Variants in DAB2IP observed in about 807,000 individuals in gnomAD.
DAB2IP encodes the protein disabled homolog 2-interacting protein.
A neutral mutation model predicts 107.2 loss-of-function variants in DAB2IP; 28 were observed. The observed-to-expected ratio is 0.26, with a 90% CI of 0.19 to 0.36. DAB2IP has a LOEUF of 0.36. DAB2IP is among the 10% of genes least tolerant of loss of function. The pLI is 1.00. For synonymous variants in DAB2IP, 755 were observed against 706.4 expected (o/e 1.07, Z -1.09); for missense variants, 1,400 against 1,644.7 (o/e 0.85, Z 2.57).
intron 3 of DAB2IP, among the ~76,000 whole-genome samples, chr9:121,720,885 C>A (rs1027861372): frequency 6.6e-6 from 1 of 152,152 alleles, no homozygotes. Context: ...CAAAGAGAAC[C>A]CTTCCTGCCA....
In DAB2IP at chr9:121,720,719, C is replaced by T. The variant is rs538243433; in HGVS notation, c.362+21261C>T. Among the ~76,000 whole-genome samples the T allele has an allele frequency of 1.2e-3, 177 of 152,226 alleles. 1 individual carries two copies. The highest frequency in any genetic ancestry group is 3.9e-3 in the African/African-American group (161 of 41,540). The stretch of plus-strand genomic sequence containing the variant: ...AGGGAAGCCAGGCCAACAGAGAATC[C>T]GTATCCCAGGAAGCAGGGCTCCTGG... On this transcript the variant is annotated intron_variant, in intron 3 of 15. Transcript: ENST00000408936.
chr9:121,628,115 C>CCTTG (rs1229417573), intron 1 of DAB2IP, among the ~76,000 whole-genome samples: 2 of 152,238 alleles, frequency 1.3e-5, no homozygotes, highest in African/African-American at 4.8e-5. Flanking sequence ...CTTGCCTTGG[C>CCTTG]CTTGGGCTTG....
At chr9:121,572,251 G>T (rs553490269) in intron 1 of DAB2IP, among the ~76,000 whole-genome samples, 1 of 152,152 alleles carries the variant, frequency 6.6e-6, no homozygotes, top group Non-Finnish European at 1.5e-5. Context: ...CCGCCTGGGT[G>T]TGTTTTCATT....
intron 2 of DAB2IP, among the ~76,000 whole-genome samples, chr9:121,691,957 G>A (rs549869601): frequency 6.6e-6 from 1 of 152,318 alleles, no homozygotes; most frequent in Non-Finnish European, 1.5e-5. Context: ...CTGTAAAAAC[G>A]AGCTTTGAGT....
rs1588028363 is a variant in DAB2IP, at chr9:121,783,329, C to T, written c.*831C>T. On this transcript the variant is annotated 3_prime_UTR_variant, in exon 16 of 16. Transcript: ENST00000408936. ...GGCTCCCAGAAGCCAGAGATCTGGG[C>T]GGATCTGGCCAGATGGCTCTGAGCA... 1.4e-5 allele frequency: 20 copies of T among 1,429,094 alleles called. No homozygotes were observed. The East Asian group carries it at 1.8e-4, about 13-fold the overall frequency. 88.5% of individuals were successfully genotyped at this position (1,429,094 alleles called of 1,614,324 possible). A position where few individuals can be genotyped will look rare whatever the true frequency, so the allele number is the denominator to read the frequency against.
intron 1 of DAB2IP, among the ~76,000 whole-genome samples, chr9:121,678,015 T>A (rs768356138): frequency 6.5e-4 from 99 of 152,296 alleles, no homozygotes; most frequent in Non-Finnish European, 1.2e-3. Flanking sequence ...ATAAAAGTTA[T>A]CATTTTAACT....
chr9:121,669,870 C>T (rs780351045), intron 1 of DAB2IP, among the ~76,000 whole-genome samples: 6 of 152,278 alleles, frequency 3.9e-5, no homozygotes, highest in South Asian at 4.1e-4. Context: ...GTGGTATAGC[C>T]GTGAATGCCA....
At position 121,607,991 on chromosome 9, in the gene DAB2IP, A is replaced by G. The variant is rs1188336664; in HGVS notation, c.40+40763A>G. 3.3e-5 allele frequency among the ~76,000 whole-genome samples: 5 copies of G among 152,226 alleles called. No individual in the cohort carries two copies. In the East Asian group the frequency reaches 9.6e-4, roughly 29 times the overall value. On this transcript the variant is annotated intron_variant, in intron 1 of 16. Transcript: ENST00000259371. ...CCTCAGAGCCTTTCCCGGCAGAGGG[A>G]ACGCAATCAAAGCTGGCGCTGCTTC... is the stretch of plus-strand genomic sequence containing the variant.
chr9:121,672,283 T>C (rs1265605330), intron 1 of DAB2IP, among the ~76,000 whole-genome samples: 1 of 152,204 alleles, frequency 6.6e-6, no homozygotes, highest in Non-Finnish European at 1.5e-5. Flanking sequence ...ACTTCTTTTC[T>C]CCTGACGTTA....
Position 121,782,531 on chromosome 9 carries a change from G to GA in DAB2IP, c.*34dup. 6.2e-7 allele frequency: 1 copy of GA among 1,609,378 alleles called. No individual in the cohort carries two copies. Among genetic ancestry groups the GA allele is most frequent in the Non-Finnish European group, 8.5e-7 (1 of 1,176,872 alleles). ...GAGGAGGGAGGAAGCTACCCAAGGA[G>GA]AGGGGGACTATGGTGGCCAAGGGCA... On this transcript the variant is annotated 3_prime_UTR_variant, in exon 16 of 16. Transcript: ENST00000408936. The surrounding 1 kb of genome is among the most constrained non-coding windows in gnomAD (Gnocchi z 6.1).
rs34839326 is a variant in DAB2IP at position 121,760,121 on chromosome 9, G to A, written c.852G>A (p.Lys284=). ...ACCGGGAGACCGACAAGAAGAAGAA[G>A]AAGGAGCGCAACAGTTACCTGGGCC... Residue 284 remains lysine (K), a synonymous_variant, in exon 6 of 16, where the codon AAG becomes AAA. Transcript: ENST00000408936. This position sits in a 1 kb window ranked among gnomAD's most constrained non-coding sequence, Gnocchi z 5.9. The A allele has an allele frequency of 2.7e-3, 4,381 of 1,613,972 alleles. 8 individuals carry two copies. The highest frequency in any genetic ancestry group is 9.6e-3 in the Middle Eastern group (58 of 6,062).
At chr9:121,605,227 C>G (rs766937939) in intron 1 of DAB2IP, among the ~76,000 whole-genome samples, 3 of 152,048 alleles carry the variant, frequency 2.0e-5, no homozygotes, top group Non-Finnish European at 2.9e-5. Flanking sequence ...CCCCATGTTT[C>G]CCAAGCTGGT....
chr9:121,685,077 C>T (rs1029861604), intron 2 of DAB2IP, among the ~76,000 whole-genome samples: 3 of 152,224 alleles, frequency 2.0e-5, no homozygotes, highest in African/African-American at 7.2e-5. Flanking sequence ...GTCTCCTGAC[C>T]CAGCATCCGG....
rs549146152 is a variant in DAB2IP, at chr9:121,698,319, C to T, written c.229-1006C>T. Among the ~76,000 whole-genome samples the T allele has an allele frequency of 6.6e-6, 1 of 152,250 alleles. No homozygotes were observed. The highest frequency in any genetic ancestry group is 2.1e-4 in the South Asian group (1 of 4,824). On this transcript the variant is annotated intron_variant, in intron 2 of 15. Transcript: ENST00000408936. The surrounding 1 kb of genome is among the most constrained non-coding windows in gnomAD (Gnocchi z 4.1). ...AGCCCGGCAGGACACAGGCTGTGTCCCCTGGGGCCCCCACATCTATCCCGT... is the reference window on the plus strand; with the variant it reads ...AGCCCGGCAGGACACAGGCTGTGTCTCCTGGGGCCCCCACATCTATCCCGT...
chr9:121,758,329 TG>T (rs1365870823), intron 4 of DAB2IP, among the ~76,000 whole-genome samples: 1 of 152,182 alleles, frequency 6.6e-6, no homozygotes, highest in African/African-American at 2.4e-5. Context: ...CCCTAGGGCC[TG>T]GCACATCCAG....
intron 3 of DAB2IP, among the ~76,000 whole-genome samples, chr9:121,708,300 C>T (rs1830158954): frequency 6.6e-6 from 1 of 152,208 alleles, no homozygotes. Context: ...AGTAACCAGG[C>T]AAGTCCATTC....
At position 121,736,668 on chromosome 9, in the gene DAB2IP, A is replaced by G. The variant is rs889054722; in HGVS notation, c.363-20345A>G. Among the ~76,000 whole-genome samples, 1 of 152,018 alleles carries G rather than the reference A, an allele frequency of 6.6e-6. No individual in the cohort carries two copies. The highest frequency in any genetic ancestry group is 2.4e-5 in the African/African-American group (1 of 41,434). On this transcript the variant is annotated intron_variant, in intron 3 of 15. Transcript: ENST00000408936. The surrounding 1 kb of genome is among the most constrained non-coding windows in gnomAD (Gnocchi z 4.6). Reference sequence around the variant, plus strand: ...ATGCTCTGGGAGCAGCGCTCGGGGGAGGTTACCTTGGCGCGCCCCCAAATC... The same window carrying G: ...ATGCTCTGGGAGCAGCGCTCGGGGGGGGTTACCTTGGCGCGCCCCCAAATC...
chr9:121,576,502 A>G (rs186736228), intron 1 of DAB2IP, among the ~76,000 whole-genome samples: 14 of 150,980 alleles, frequency 9.3e-5, no homozygotes, highest in Admixed American at 7.9e-4. Context: ...GCCTTCCCTG[A>G]CTAGCTTGTT....
At chr9:121,729,110 T>G (rs1831384084) in intron 3 of DAB2IP, among the ~76,000 whole-genome samples, 2 of 152,164 alleles carry the variant, frequency 1.3e-5, no homozygotes, top group African/African-American at 4.8e-5. Flanking sequence ...ATCAGCTCAT[T>G]TAATCTTCAC....
Sources: gnomAD v4.1 joint callset for allele counts (sites outside exome capture counted in the v4.1 genomes callset) on GRCh38, gnomAD v4.1.1 for gene constraint, Gnocchi (gnomAD v3.1) non-coding constraint, MANE v1.5 for transcripts, NCBI Gene and HGNC (gene_info 2026-07-23, HGNC 2026-07-21) for gene names.